Variants in SLAIN2 observed in about 807,000 individuals in gnomAD.
The protein encoded by SLAIN2 is SLAIN motif-containing protein 2.
In SLAIN2, 31 loss-of-function variants were observed where a neutral mutation model predicts 56.6. That is an observed-to-expected ratio of 0.55 (90% CI 0.41 to 0.74). The LOEUF is 0.74. SLAIN2 is among the 30% of genes least tolerant of loss of function. The pLI is 0.00. For synonymous variants in SLAIN2, 317 were observed against 284.9 expected (o/e 1.11, Z -1.13); for missense variants, 777 against 754.2 (o/e 1.03, Z -0.35).
chr4:48,394,670 A>C, intron 6 of SLAIN2: 1 of 1,531,068 alleles, frequency 6.5e-7, no homozygotes, highest in Non-Finnish European at 8.7e-7. Flanking sequence ...ACAGCCTCTT[A>C]CTCAGTTTAA....
At chr4:48,397,658 T>A (rs1716435325) in intron 6 of SLAIN2, among the ~76,000 whole-genome samples, 2 of 152,120 alleles carry the variant, frequency 1.3e-5, no homozygotes, top group African/African-American at 4.8e-5. Context: ...ATGCTGTCCC[T>A]TCCCCCGCCG....
rs1717286186 is a variant in SLAIN2, at chr4:48,425,890, A to C, written c.*3813A>C. 6.6e-6 allele frequency: 1 copy of C among 152,232 alleles called. No individual in the cohort carries two copies. The highest frequency in any genetic ancestry group is 2.4e-5 in the African/African-American group (1 of 41,478). 9.4% of individuals were successfully genotyped at this position (152,232 alleles called of 1,614,324 possible). On this transcript the variant is annotated 3_prime_UTR_variant, in exon 8 of 8. Transcript: ENST00000264313. Reference sequence around the variant, plus strand: ...TATTTACTGTAATACAAACTGGTTAAAACTATGTTAACTGAATGCTAGTTT... The same window carrying C: ...TATTTACTGTAATACAAACTGGTTACAACTATGTTAACTGAATGCTAGTTT...
chr4:48,382,134 T>C (rs1167232439), intron 4 of SLAIN2, among the ~76,000 whole-genome samples: 1 of 152,208 alleles, frequency 6.6e-6, no homozygotes, highest in African/African-American at 2.4e-5. Flanking sequence ...ATGAGTAAGA[T>C]TATTTCAGTA....
Position 48,425,997 on chromosome 4 carries a change from G to GT in SLAIN2, c.*3921dup, listed in dbSNP as rs1717289576. The GT allele has an allele frequency of 6.6e-6, 1 of 152,086 alleles. No homozygotes were observed. Among genetic ancestry groups the GT allele is most frequent in the South Asian group, 2.1e-4 (1 of 4,830 alleles). The allele number at this position is 152,086 out of a possible 1,614,324, so 9.4% of individuals were successfully genotyped here. On this transcript the variant is annotated 3_prime_UTR_variant, in exon 8 of 8. Transcript: ENST00000264313. ...AAATCTGTTTCTTCTGATTTCGAAAGTAATAGAAACTCTGCTGTAGAACAT... is the reference window on the plus strand; with the variant it reads ...AAATCTGTTTCTTCTGATTTCGAAAGTTAATAGAAACTCTGCTGTAGAACAT...
intron 1 of SLAIN2, among the ~76,000 whole-genome samples, chr4:48,347,686 T>G (rs1296478082): frequency 2.0e-5 from 3 of 152,216 alleles, no homozygotes; most frequent in African/African-American, 7.2e-5. Flanking sequence ...ACATTCACAA[T>G]GTTGTGCAAT....
chr4:48,353,561 A>T (rs1348626096), intron 1 of SLAIN2, among the ~76,000 whole-genome samples: 2 of 152,162 alleles, frequency 1.3e-5, no homozygotes, highest in Non-Finnish European at 2.9e-5. Flanking sequence ...TGAAACAAAC[A>T]TTTATTTGGT....
intron 1 of SLAIN2, among the ~76,000 whole-genome samples, chr4:48,344,564 G>A (rs75304197): frequency 0.028 from 4,226 of 152,274 alleles, 65 homozygotes; most frequent in Admixed American, 0.045. Flanking sequence ...GGCTCCTGGA[G>A]ATGCTAATGT....
intron 1 of SLAIN2, among the ~76,000 whole-genome samples, chr4:48,351,743 T>C (rs1034991225): frequency 2.0e-5 from 3 of 152,258 alleles, no homozygotes; most frequent in African/African-American, 7.2e-5. Flanking sequence ...AATATTTGTT[T>C]AAATTACTGA....
At chr4:48,374,344 C>T (rs1443470199) in intron 2 of SLAIN2, among the ~76,000 whole-genome samples, 2 of 152,038 alleles carry the variant, frequency 1.3e-5, no homozygotes, top group African/African-American at 4.8e-5. Flanking sequence ...TCAAGCGATT[C>T]TTCTGCCTTA....
chr4:48,423,016 C>T lies in SLAIN2; in HGVS notation c.*939C>T, dbSNP rs1717201610. 6.6e-6 allele frequency: 1 copy of T among 152,084 alleles called. No homozygotes were observed. The highest frequency in any genetic ancestry group is 2.4e-5 in the African/African-American group (1 of 41,396). The allele number at this position is 152,084 out of a possible 1,614,324, so 9.4% of individuals were successfully genotyped here. On this transcript the variant is annotated 3_prime_UTR_variant, in exon 8 of 8. Coordinates refer to ENST00000264313, the MANE Select transcript of SLAIN2 (RefSeq NM_020846.2). The stretch of plus-strand genomic sequence containing the variant: ...TTCTTGATACAACACCACCTCGGTG[C>T]TTGCAACCTGGAACAAAACCATACC...
At chr4:48,394,604 C>T in intron 6 of SLAIN2, 1 of 1,535,958 alleles carries the variant, frequency 6.5e-7, no homozygotes. Flanking sequence ...ATTTGCCTCG[C>T]ACTTCCCTCA....
intron 1 of SLAIN2, among the ~76,000 whole-genome samples, chr4:48,365,943 A>T (rs896719795): frequency 3.6e-5 from 5 of 137,194 alleles, no homozygotes; most frequent in African/African-American, 1.5e-4. Context: ...TCCTAATGTA[A>T]GTGTTTGAAA....
In SLAIN2 at chr4:48,373,257, C is replaced by CT. The variant is rs150002643; in HGVS notation, c.538+3264dup. Among the ~76,000 whole-genome samples the CT allele has an allele frequency of 1.7e-3, 258 of 152,286 alleles. 1 individual carries two copies. The highest frequency in any genetic ancestry group is 6.0e-3 in the African/African-American group (248 of 41,556). On this transcript the variant is annotated intron_variant, in intron 2 of 7. Transcript: ENST00000264313. ...CACTATCATATCCAGGTGAAAAGAG[C>CT]TTTTAATCATCCTATACTAAACTTT...
At chr4:48,391,492 TTTA>T (rs1716235123) in intron 6 of SLAIN2, among the ~76,000 whole-genome samples, 1 of 152,224 alleles carries the variant, frequency 6.6e-6, no homozygotes. Context: ...ATAACTGATG[TTTA>T]TTATTGCTGG....
chr4:48,380,877 A>G (rs577184146), intron 4 of SLAIN2, among the ~76,000 whole-genome samples: 9 of 152,304 alleles, frequency 5.9e-5, no homozygotes, highest in Non-Finnish European at 1.0e-4. Flanking sequence ...ATCAAGCTGT[A>G]GCATTTATTA....
At position 48,377,968 on chromosome 4, in the gene SLAIN2, C is replaced by T. The variant is rs1195784500; in HGVS notation, c.611C>T (p.Ala204Val). Residue 204 changes from alanine (A) to valine (V), a missense_variant, in exon 3 of 8, where the codon GCC (alanine) becomes GTC (valine). Coordinates refer to ENST00000264313, the MANE Select transcript of SLAIN2 (RefSeq NM_020846.2). ...MSYTSPYSPN[A>V]SSPYSSGFNS... is the part of the protein sequence containing the mutation. ...TACACCAGTCCTTACAGTCCAAATGCCAGTAGCCCATACAGCAGTGGCTTC... is the reference window on the plus strand; with the variant it reads ...TACACCAGTCCTTACAGTCCAAATGTCAGTAGCCCATACAGCAGTGGCTTC... The T allele has an allele frequency of 1.9e-6, 3 of 1,613,940 alleles. No individual in the cohort carries two copies. The highest frequency in any genetic ancestry group is 2.5e-6 in the Non-Finnish European group (3 of 1,179,846).
At chr4:48,373,993 G>A (rs138713083) in intron 2 of SLAIN2, among the ~76,000 whole-genome samples, 4,253 of 152,204 alleles carry the variant, frequency 0.028, 66 homozygotes, top group Admixed American at 0.045. Flanking sequence ...AGCCAAGATC[G>A]TGCCATTGCT....
intron 6 of SLAIN2, among the ~76,000 whole-genome samples, chr4:48,416,639 A>G (rs1160626133): frequency 6.6e-6 from 1 of 151,728 alleles, no homozygotes; most frequent in Non-Finnish European, 1.5e-5. Flanking sequence ...GTCTTGTGCC[A>G]GTTTTCAAAC....
rs147593344 is a variant in SLAIN2, at chr4:48,422,098, G to C, written c.*21G>C. The C allele has an allele frequency of 1.3e-6, 2 of 1,597,672 alleles. No homozygotes were observed. The highest frequency in any genetic ancestry group is 1.7e-5 in the Admixed American group (1 of 58,462). ...ACTGACCAGCAAAGACAAGAATGCAGAAGTCCACGGCTTCATGGATACCCT... is the reference window on the plus strand; with the variant it reads ...ACTGACCAGCAAAGACAAGAATGCACAAGTCCACGGCTTCATGGATACCCT... On this transcript the variant is annotated 3_prime_UTR_variant, in exon 8 of 8. Coordinates refer to ENST00000264313, the MANE Select transcript of SLAIN2 (RefSeq NM_020846.2).
Sources: gnomAD v4.1 joint callset for allele counts (sites outside exome capture counted in the v4.1 genomes callset) on GRCh38, gnomAD v4.1.1 for gene constraint, MANE v1.5 for transcripts, NCBI Gene and HGNC (gene_info 2026-07-23, HGNC 2026-07-21) for gene names.